The following CADPS variants were observed in gnomAD, a reference collection of about 807,000 sequenced individuals.
The protein encoded by CADPS is calcium dependent secretion activator, also known as calcium-dependent secretion activator 1.
A neutral mutation model predicts 167.3 loss-of-function variants in CADPS; 57 were observed. That is an observed-to-expected ratio of 0.34 (90% CI 0.28 to 0.42). CADPS has a LOEUF of 0.42. Among genes scored for constraint, CADPS ranks in the 20% least tolerant of loss-of-function variants. The probability of loss-of-function intolerance (pLI) is 1.00; values close to 1 mark genes in which losing one functional copy is unlikely to be tolerated. For missense variants in CADPS, 1,414 were observed against 1,738.1 expected, an observed-to-expected ratio of 0.81 and a Z score of 3.32; for synonymous variants, 676 against 635.3, an observed-to-expected ratio of 1.06 and a Z score of -0.96.
chr3:62,735,793 T>G (rs909952206), intron 3 of CADPS, among the ~76,000 whole-genome samples: 1 of 152,164 alleles, frequency 6.6e-6, no homozygotes, highest in African/African-American at 2.4e-5. Flanking sequence ...GGGCTGAATA[T>G]GAATGTGTTG....
chr3:62,467,220 C>T (rs35688133), intron 24 of CADPS: 22,593 of 595,130 alleles, frequency 0.038, 558 homozygotes, highest in Non-Finnish European at 0.046. Context: ...TTTTAGTATC[C>T]ATTTGAATTA....
chr3:62,668,281 T>C lies in CADPS; in HGVS notation c.889-5887A>G, dbSNP rs373815113. ...AACTTCAGCCTCAGGACTAAAGTGA[T>C]AGTGATCCAGACTGGCTGGAAGGAG... On this transcript the variant is annotated intron_variant, in intron 3 of 29. Transcript: ENST00000383710. Among the ~76,000 whole-genome samples, 41 of 152,356 alleles carry C rather than the reference T, an allele frequency of 2.7e-4. 2 individuals carry two copies. Among genetic ancestry groups the C allele is most frequent in the African/African-American group, 8.9e-4 (37 of 41,592 alleles).
Position 62,718,250 on chromosome 3 carries a change from T to C in CADPS, c.888+35191A>G, listed in dbSNP as rs77575876. Among the ~76,000 whole-genome samples, 31 of 152,266 alleles carry C rather than the reference T, an allele frequency of 2.0e-4. 2 individuals are homozygous for C. In the East Asian group the frequency reaches 6.0e-3, roughly 29 times the overall value. ...CCTTTCCAGCACCATGTCTGACTCA[T>C]TGTAGGTGCTCAGTACATGATGTCT... is the stretch of plus-strand genomic sequence containing the variant. On this transcript the variant is annotated intron_variant, in intron 3 of 29. Transcript: ENST00000383710.
rs1212686638 is a variant in CADPS at position 62,650,982 on chromosome 3, G to A, written c.1068C>T (p.Ser356=). ...ACTCCCCGCCTTTGGATACCGGCAT[G>A]CTCTCCAAGTTGGCCATGAGCAGGT... ...SVNLLMANLE[S]MPVSKGGEFK... is the part of the protein sequence containing the mutation. The change falls in exon 5 of 30, where the codon AGC becomes AGT. Residue 356 remains serine, a synonymous_variant. Transcript: ENST00000383710. 6.2e-7 allele frequency: 1 copy of A among 1,613,976 alleles called. No individual in the cohort carries two copies. The highest frequency in any genetic ancestry group is 8.5e-7 in the Non-Finnish European group (1 of 1,179,980).
intron 21 of CADPS, among the ~76,000 whole-genome samples, chr3:62,488,618 G>A (rs1267490595): frequency 6.6e-6 from 1 of 151,974 alleles, no homozygotes; most frequent in East Asian, 1.9e-4. Flanking sequence ...TCAGCCTCCT[G>A]AGTAGTTTGG....
chr3:62,570,784 AT>A, intron 9 of CADPS, 87 bp downstream of exon 9: 1 of 880,894 alleles, frequency 1.1e-6, no homozygotes, highest in Non-Finnish European at 1.9e-6. Flanking sequence ...AGCTCTGTGT[AT>A]TTAAGTTATA....
intron 3 of CADPS, among the ~76,000 whole-genome samples, chr3:62,666,369 T>C (rs1258638152): frequency 6.6e-6 from 1 of 151,984 alleles, no homozygotes; most frequent in Non-Finnish European, 1.5e-5. Context: ...TCCCAAAATA[T>C]AAAGAGAAAT....
At chr3:62,483,326 G>A (rs1177463078) in intron 21 of CADPS, among the ~76,000 whole-genome samples, 2 of 137,536 alleles carry the variant, frequency 1.5e-5, no homozygotes, top group Non-Finnish European at 3.1e-5. Context: ...AGGGGAGTAG[G>A]GGAGTGGGGG....
chr3:62,608,971 G>A (rs898951706), intron 6 of CADPS, among the ~76,000 whole-genome samples: 1 of 152,142 alleles, frequency 6.6e-6, no homozygotes, highest in African/African-American at 2.4e-5. Context: ...TCTCCTAAAA[G>A]GTATTCATAC....
chr3:62,599,647 A>AAT (rs10662149), intron 6 of CADPS, among the ~76,000 whole-genome samples: 53,280 of 57,984 alleles, frequency 0.92, 24,780 homozygotes, highest in Non-Finnish European at 0.97. Context: ...TATAATATAT[A>AAT]ATATATAATA....
At chr3:62,728,719 A>G (rs1170467486) in intron 3 of CADPS, among the ~76,000 whole-genome samples, 5 of 151,816 alleles carry the variant, frequency 3.3e-5, no homozygotes, top group African/African-American at 1.2e-4. Context: ...TTCTCAGATA[A>G]CCCCTTCAAC....
At chr3:62,825,712 C>T (rs1559801528) in intron 1 of CADPS, among the ~76,000 whole-genome samples, 1 of 152,196 alleles carries the variant, frequency 6.6e-6, no homozygotes, top group East Asian at 1.9e-4. Flanking sequence ...CCTTTCATAT[C>T]ATCACTGCTG....
intron 3 of CADPS, among the ~76,000 whole-genome samples, chr3:62,663,619 A>G (rs2073825236): frequency 6.6e-6 from 1 of 150,812 alleles, no homozygotes; most frequent in African/African-American, 2.4e-5. Context: ...TCCAAAAAAA[A>G]AAAAAAAAAA....
At chr3:62,769,451 C>T (rs1190650951) in intron 1 of CADPS, among the ~76,000 whole-genome samples, 2 of 151,934 alleles carry the variant, frequency 1.3e-5, no homozygotes, top group Admixed American at 6.6e-5. Flanking sequence ...AGGCTGGTCT[C>T]GAACTCCTGA....
intron 9 of CADPS, among the ~76,000 whole-genome samples, chr3:62,567,564 CTTTTTTTTTTTTTTTTTTTT>C (rs10561022): frequency 3.3e-4 from 11 of 33,818 alleles, no homozygotes; most frequent in Admixed American, 2.2e-3. Context: ...CTAAGCACTG[CTTTTTTTTTTTTTTTTTTTT>C]TTTTTTTTTT....
In CADPS at chr3:62,491,485, A is replaced by G. The variant is rs2063675871; in HGVS notation, c.2885-5T>C. 1 of 1,613,308 alleles carries G rather than the reference A, an allele frequency of 6.2e-7. No homozygotes were observed. The highest frequency in any genetic ancestry group is 8.5e-7 in the Non-Finnish European group (1 of 1,179,786). On this transcript the variant is annotated splice_region_variant and splice_polypyrimidine_tract_variant and intron_variant, in intron 20 of 29. Coordinates refer to ENST00000383710, the MANE Select transcript of CADPS (RefSeq NM_003716.4). ...ATTTTCCATTGCACAAATTATCTAG[A>G]ACAGATAAGCAAAAGCTTGTTAAGA...
chr3:62,633,969 T>C (rs1268466708), intron 6 of CADPS, among the ~76,000 whole-genome samples: 2 of 152,218 alleles, frequency 1.3e-5, no homozygotes, highest in Non-Finnish European at 2.9e-5. Flanking sequence ...ACAACACACT[T>C]AGGACAGACG....
chr3:62,605,594 C>G (rs2123141), intron 6 of CADPS, among the ~76,000 whole-genome samples: 7,459 of 152,268 alleles, frequency 0.049, 293 homozygotes, highest in African/African-American at 0.1. Context: ...AGTGCAGGCT[C>G]TGGAATCTGG....
rs2058828353 is a variant in CADPS at position 62,457,466 on chromosome 3, CGAA to C, written c.3636+7898_3636+7900del. Among the ~76,000 whole-genome samples, 11 of 152,144 alleles carry C rather than the reference CGAA, an allele frequency of 7.2e-5. 1 individual carries two copies. In the South Asian group the frequency reaches 2.3e-3, roughly 32 times the overall value. On this transcript the variant is annotated intron_variant, in intron 26 of 29. Coordinates refer to ENST00000383710, the MANE Select transcript of CADPS (RefSeq NM_003716.4). ...AGGTGTTTTAGAGACTATGTAAAAACGAAAAATTCTTTTGGCATTAAAATAAAA... is the reference window on the plus strand; with the variant it reads ...AGGTGTTTTAGAGACTATGTAAAAACAAATTCTTTTGGCATTAAAATAAAA...
Sources: gnomAD v4.1 joint callset for allele counts (sites outside exome capture counted in the v4.1 genomes callset) on GRCh38, gnomAD v4.1.1 for gene constraint, MANE v1.5 for transcripts, NCBI Gene and HGNC (gene_info 2026-07-23, HGNC 2026-07-21) for gene names.